The following STAT5A variants were observed in gnomAD, a reference collection of about 807,000 sequenced individuals.
STAT5A encodes epididymis secretory sperm binding protein.
Under a neutral mutation model 100.2 loss-of-function variants are expected in STAT5A, and 26 were observed. The ratio of observed to expected loss-of-function variants is 0.26; its 90% CI spans 0.19 to 0.36. The LOEUF (loss-of-function observed/expected upper bound fraction) is 0.36. Ranked by LOEUF, STAT5A falls within the 10% of genes least tolerant of loss-of-function variation. STAT5A has a pLI of 1.00. For missense variants in STAT5A, 634 were observed against 1,027.5 expected (o/e 0.62, Z 5.24); for synonymous variants, 330 against 424.3 (o/e 0.78, Z 2.73).
At chr17:42,309,195 C>G in intron 17 of STAT5A, 97 bp downstream of exon 17, 1 of 1,605,208 alleles carries the variant, frequency 6.2e-7, no homozygotes, top group Non-Finnish European at 8.5e-7. Flanking sequence ...TTCCGCTCCC[C>G]CAGGGAACCT....
intron 3 of STAT5A, 48 bp from the exon 4 acceptor site, chr17:42,291,924 T>A (rs761840666): frequency 1.2e-6 from 2 of 1,602,644 alleles, no homozygotes; most frequent in East Asian, 2.2e-5. Flanking sequence ...GGGGCTGGCA[T>A]GGCTGGAGCA....
At chr17:42,294,089 G>A (rs1424305196) in intron 4 of STAT5A, among the ~76,000 whole-genome samples, 2 of 152,080 alleles carry the variant, frequency 1.3e-5, no homozygotes, top group South Asian at 2.1e-4. Flanking sequence ...GGTGGCGGGC[G>A]CCTGTAATCC....
chr17:42,302,881 G>A (rs553602128), intron 9 of STAT5A, among the ~76,000 whole-genome samples: 17 of 152,058 alleles, frequency 1.1e-4, no homozygotes, highest in Non-Finnish European at 2.2e-4. Flanking sequence ...ACTTGAACCC[G>A]GAGGTGGACG....
chr17:42,309,257 C>T (rs1246007341), intron 17 of STAT5A, 120 bp from the exon 18 acceptor site: 8 of 1,522,850 alleles, frequency 5.3e-6, no homozygotes, highest in Middle Eastern at 4.7e-4. Flanking sequence ...GCCCCAGGGC[C>T]GAGTGGGGCA....
chr17:42,299,882 G>T lies in STAT5A; in HGVS notation c.681+1G>T. 2.5e-6 allele frequency: 4 copies of T among 1,606,530 alleles called. No individual in the cohort carries two copies. The highest frequency in any genetic ancestry group is 3.4e-6 in the Non-Finnish European group (4 of 1,177,770). On this transcript the variant is annotated splice_donor_variant, in intron 6 of 18. Transcript: ENST00000590949. LOFTEE classifies it high-confidence loss of function. ...ACAGACACTGCAGCAGTACCGCGTGGTGAGTGGGGTCCTGGGCCTCTCCTG... is the reference window on the plus strand; with the variant it reads ...ACAGACACTGCAGCAGTACCGCGTGTTGAGTGGGGTCCTGGGCCTCTCCTG...
chr17:42,290,048 C>T (rs768111168), intron 3 of STAT5A, 26 bp downstream of exon 3: 86 of 1,578,552 alleles, frequency 5.4e-5, no homozygotes, highest in South Asian at 5.4e-4. Flanking sequence ...GGGCCACCTA[C>T]GGGGAGGAAG....
intron 17 of STAT5A, 116 bp from the exon 18 acceptor site, chr17:42,309,252 AGGGCCGAGT>A (rs1481808016): frequency 6.5e-7 from 1 of 1,539,544 alleles, no homozygotes; most frequent in Non-Finnish European, 9.0e-7. Context: ...CTGGAGCCCC[AGGGCCGAGT>A]GGGGCACTTT....
intron 9 of STAT5A, 132 bp downstream of exon 9, chr17:42,301,586 A>G (rs1301162339): frequency 6.7e-6 from 9 of 1,353,008 alleles, no homozygotes; most frequent in African/African-American, 1.4e-5. Flanking sequence ...GAACTCCTGG[A>G]CTCATGCAGT....
Position 42,289,456 on chromosome 17 carries a change from G to A in STAT5A, c.45G>A (p.Leu15=), listed in dbSNP as rs1443514380. Residue 15 remains leucine (L), a synonymous_variant, in exon 2 of 19, where the codon CTG becomes CTA. Transcript: ENST00000590949. ...IQAQQLQGDA[L]RQMQVLYGQH... ...CCCAGCAGCTGCAGGGAGACGCGCT[G>A]CGCCAGATGCAGGTGCTGTACGGCC... The A allele has an allele frequency of 6.2e-7, 1 of 1,612,894 alleles. No homozygotes were observed. The highest frequency in any genetic ancestry group is 2.2e-5 in the East Asian group (1 of 44,872).
intron 11 of STAT5A, among the ~76,000 whole-genome samples, chr17:42,305,386 C>G (rs1274549607): frequency 6.6e-6 from 1 of 152,024 alleles, no homozygotes; most frequent in Non-Finnish European, 1.5e-5. Context: ...CCTGTAATCC[C>G]AGCTACTTGG....
intron 1 of STAT5A, 40 bp from the exon 2 acceptor site, chr17:42,289,362 C>T (rs927283908): frequency 1.0e-5 from 16 of 1,544,996 alleles, no homozygotes; most frequent in African/African-American, 1.4e-5. Context: ...GTTCCTTGGC[C>T]TCTGCAGAGG....
intron 5 of STAT5A, among the ~76,000 whole-genome samples, chr17:42,296,610 T>C (rs2080919938): frequency 6.6e-6 from 1 of 152,160 alleles, no homozygotes; most frequent in Non-Finnish European, 1.5e-5. Flanking sequence ...GGTCATTGAT[T>C]TTAGACCTTT....
upstream of STAT5A, chr17:42,288,099 A>G (rs2080830198): frequency 6.6e-6 from 1 of 152,188 alleles, no homozygotes; most frequent in Non-Finnish European, 1.5e-5. This position sits in a 1 kb window ranked among gnomAD's most constrained non-coding sequence, Gnocchi z 4.8. Flanking sequence ...GGCGTCGCCA[A>G]TTGGTCCACT....
chr17:42,309,569 G>A (rs2081061115), intron 18 of STAT5A, 85 bp downstream of exon 18: 1 of 1,413,694 alleles, frequency 7.1e-7, no homozygotes, highest in Admixed American at 2.0e-5. Flanking sequence ...GCGGGCAAAG[G>A]ATCCAGAGCT....
At chr17:42,293,048 C>A (rs2080886293) in intron 4 of STAT5A, among the ~76,000 whole-genome samples, 1 of 152,192 alleles carries the variant, frequency 6.6e-6, no homozygotes, top group South Asian at 2.1e-4. Flanking sequence ...CTCCCCAGTT[C>A]TGAAATAATA....
At chr17:42,298,730 G>C (rs2080945044) in intron 5 of STAT5A, among the ~76,000 whole-genome samples, 1 of 152,040 alleles carries the variant, frequency 6.6e-6, no homozygotes, top group African/African-American at 2.4e-5. Context: ...CTCGTGATCT[G>C]CCCGCCTCAG....
At position 42,309,391 on chromosome 17, in the gene STAT5A, C is replaced by T; in HGVS notation, c.2129C>T (p.Ser710Phe). 1 of 1,612,874 alleles carries T rather than the reference C, an allele frequency of 6.2e-7. No homozygotes were observed. The highest frequency in any genetic ancestry group is 8.5e-7 in the Non-Finnish European group (1 of 1,179,982). The part of the protein sequence containing the change: ...KQVVPEFVNA[S>F]ADAGGSSATY... ...TCCTTCTGCAGGTTTGTGAATGCAT[C>T]TGCAGATGCTGGGGGCAGCAGCGCC... The change falls in exon 18 of 19, where the codon TCT becomes TTT. Residue 710 changes from serine to phenylalanine, a missense_variant. This residue lies in a region of STAT5A where 210 missense variants were observed against 428.4 expected (regional missense o/e 0.49). Coordinates refer to ENST00000590949, the MANE Select transcript of STAT5A (RefSeq NM_001288718.2).
intron 8 of STAT5A, 37 bp from the exon 9 acceptor site, chr17:42,301,238 A>G (rs371545056): frequency 5.1e-5 from 82 of 1,601,762 alleles, no homozygotes; most frequent in South Asian, 1.0e-4. Flanking sequence ...CCCTGCGCCA[A>G]CCCCTCATCG....
At chr17:42,307,865 T>G in intron 15 of STAT5A, 142 bp downstream of exon 15, 2 of 1,269,142 alleles carry the variant, frequency 1.6e-6, no homozygotes, top group South Asian at 3.0e-5. Context: ...GGCTTGGAAA[T>G]GTATTCTCTT....
Sources: gnomAD v4.1 joint callset for allele counts (sites outside exome capture counted in the v4.1 genomes callset) on GRCh38, gnomAD v4.1.1 for gene constraint, gnomAD v4.1.1 regional missense constraint, Gnocchi (gnomAD v3.1) non-coding constraint, MANE v1.5 for transcripts, NCBI Gene and HGNC (gene_info 2026-07-23, HGNC 2026-07-21) for gene names.